Variants in SLC9A9 observed in about 807,000 individuals in gnomAD.
SLC9A9 encodes the protein sodium/hydrogen exchanger 9.
In SLC9A9, 62 loss-of-function variants were observed where a neutral mutation model predicts 77.8. The ratio of observed to expected loss-of-function variants is 0.80; its 90% CI spans 0.65 to 0.98. The LOEUF (loss-of-function observed/expected upper bound fraction) is 0.98. Among genes scored for constraint, SLC9A9 ranks in the 50% least tolerant of loss-of-function variants. The pLI is 0.00. For synonymous variants in SLC9A9, 320 were observed against 283.5 expected (o/e 1.13, Z -1.29); for missense variants, 775 against 774.9 (o/e 1.00, Z 0.00).
At chr3:143,496,012 G>A (rs1211237254) in intron 9 of SLC9A9, among the ~76,000 whole-genome samples, 2 of 152,114 alleles carry the variant, frequency 1.3e-5, no homozygotes, top group African/African-American at 2.4e-5. Context: ...AATCCCAGAC[G>A]ATGAGACTCA....
chr3:143,302,263 C>T (rs1328052593), intron 14 of SLC9A9, among the ~76,000 whole-genome samples: 1 of 152,178 alleles, frequency 6.6e-6, no homozygotes, highest in Non-Finnish European at 1.5e-5. Context: ...CTAGTATATA[C>T]AGGCAATAGG....
chr3:143,420,676 A>G (rs1360592140), intron 12 of SLC9A9, among the ~76,000 whole-genome samples: 1 of 152,226 alleles, frequency 6.6e-6, no homozygotes, highest in African/African-American at 2.4e-5. Context: ...GTTTCTATCT[A>G]TGAGGCATTG....
At chr3:143,632,205 G>A (rs982193324) in intron 6 of SLC9A9, among the ~76,000 whole-genome samples, 26 of 152,160 alleles carry the variant, frequency 1.7e-4, no homozygotes, top group Non-Finnish European at 3.7e-4. Flanking sequence ...CCGAAAGGTA[G>A]AATACGATCT....
intron 6 of SLC9A9, among the ~76,000 whole-genome samples, chr3:143,645,383 G>A (rs951802993): frequency 2.6e-5 from 4 of 152,106 alleles, no homozygotes; most frequent in South Asian, 2.1e-4. Flanking sequence ...GTTTTGTTAC[G>A]CATATTAAAT....
At chr3:143,540,065 T>G (rs1487478052) in intron 9 of SLC9A9, among the ~76,000 whole-genome samples, 2 of 151,964 alleles carry the variant, frequency 1.3e-5, no homozygotes, top group South Asian at 4.2e-4. Flanking sequence ...AAAGAAAAAT[T>G]AAGGGAAGAT....
At chr3:143,477,462 A>G (rs2035498592) in intron 11 of SLC9A9, among the ~76,000 whole-genome samples, 1 of 150,000 alleles carries the variant, frequency 6.7e-6, no homozygotes, top group Non-Finnish European at 1.5e-5. Context: ...ACAAGCTGCC[A>G]GGTGATGCCA....
intron 1 of SLC9A9, among the ~76,000 whole-genome samples, chr3:143,838,271 G>A (rs1348253528): frequency 3.9e-5 from 6 of 152,174 alleles, no homozygotes; most frequent in Non-Finnish European, 8.8e-5. Flanking sequence ...TAGAGAAGAG[G>A]ACATGTTGTT....
chr3:143,427,113 A>G (rs1220751428), intron 12 of SLC9A9, among the ~76,000 whole-genome samples: 3 of 152,252 alleles, frequency 2.0e-5, no homozygotes, highest in Non-Finnish European at 4.4e-5. Context: ...TTTGTATGCT[A>G]TCAGCACTGA....
chr3:143,354,426 C>T (rs2032537478), intron 14 of SLC9A9, among the ~76,000 whole-genome samples: 1 of 152,132 alleles, frequency 6.6e-6, no homozygotes, highest in Middle Eastern at 3.2e-3. Context: ...ACATGTCTGC[C>T]CAACACTCTG....
chr3:143,834,761 G>T (rs2009527158), intron 1 of SLC9A9, among the ~76,000 whole-genome samples: 1 of 152,056 alleles, frequency 6.6e-6, no homozygotes, highest in Non-Finnish European at 1.5e-5. Flanking sequence ...CTCTGCACTA[G>T]CTCTGGCCTC....
chr3:143,530,549 C>T (rs562673173), intron 9 of SLC9A9, among the ~76,000 whole-genome samples: 3 of 152,004 alleles, frequency 2.0e-5, no homozygotes, highest in East Asian at 1.9e-4. Flanking sequence ...TTATCAGCAG[C>T]GTGAAAACAG....
intron 12 of SLC9A9, among the ~76,000 whole-genome samples, chr3:143,400,701 A>G (rs1428385784): frequency 7.0e-6 from 1 of 143,072 alleles, no homozygotes; most frequent in East Asian, 2.0e-4. Flanking sequence ...AATTAAAAAA[A>G]CTTTTGACTG....
intron 9 of SLC9A9, among the ~76,000 whole-genome samples, chr3:143,526,411 G>T (rs998103403): frequency 1.3e-5 from 2 of 152,186 alleles, no homozygotes; most frequent in African/African-American, 4.8e-5. Flanking sequence ...AAAAGAGGTG[G>T]TAATAGCCCA....
At chr3:143,462,977 A>G (rs917197617) in intron 12 of SLC9A9, among the ~76,000 whole-genome samples, 1 of 152,156 alleles carries the variant, frequency 6.6e-6, no homozygotes, top group Non-Finnish European at 1.5e-5. Context: ...AGCGGCTACT[A>G]TCATCATCCC....
At chr3:143,681,540 C>T (rs902756213) in intron 5 of SLC9A9, among the ~76,000 whole-genome samples, 9 of 152,200 alleles carry the variant, frequency 5.9e-5, no homozygotes, top group African/African-American at 1.9e-4. Flanking sequence ...TCTGAGACAG[C>T]TTATATTCTA....
At chr3:143,841,807 G>T (rs1211558632) in intron 1 of SLC9A9, among the ~76,000 whole-genome samples, 1 of 97,914 alleles carries the variant, frequency 1.0e-5, no homozygotes, top group Non-Finnish European at 2.2e-5. Context: ...AGGTTGGAGT[G>T]CAGTGGTGCA....
intron 6 of SLC9A9, among the ~76,000 whole-genome samples, chr3:143,633,174 T>A (rs747618891): frequency 2.0e-4 from 31 of 152,154 alleles, no homozygotes; most frequent in Non-Finnish European, 3.8e-4. Flanking sequence ...TTATAGGTGA[T>A]CAGGATACAG....
chr3:143,309,796 C>G (rs115316908), intron 14 of SLC9A9, among the ~76,000 whole-genome samples: 3,912 of 152,174 alleles, frequency 0.026, 68 homozygotes, highest in South Asian at 0.039. Flanking sequence ...CCCACTAGGT[C>G]TCTCCATGGG....
intron 4 of SLC9A9, among the ~76,000 whole-genome samples, chr3:143,724,368 C>A (rs868598209): frequency 6.6e-6 from 1 of 152,108 alleles, no homozygotes; most frequent in East Asian, 1.9e-4. Context: ...GTTAAGCCTG[C>A]GGAACTGTGA....
Sources: allele counts gnomAD v4.1 joint callset (sites outside exome capture counted in the v4.1 genomes callset), GRCh38; gene constraint gnomAD v4.1.1; transcripts MANE v1.5; gene names NCBI Gene and HGNC (gene_info 2026-07-23, HGNC 2026-07-21).